EPHA6: variants seen among roughly 807,000 people sequenced by gnomAD.
EPHA6 encodes the protein ephrin type-A receptor 6.
A neutral mutation model predicts 112.0 loss-of-function variants in EPHA6; 50 were observed. The observed-to-expected ratio is 0.45, with a 90% confidence interval of 0.36 to 0.56. The LOEUF (loss-of-function observed/expected upper bound fraction) is 0.56. Among genes scored for constraint, EPHA6 ranks in the 20% least tolerant of loss-of-function variants. EPHA6 has a pLI of 0.00. For missense variants in EPHA6, 1,280 were observed against 1,417.4 expected (o/e 0.90, Z 1.56); for synonymous variants, 529 against 490.7 (o/e 1.08, Z -1.03).
intron 11 of EPHA6, among the ~76,000 whole-genome samples, chr3:97,587,390 C>T (rs1266463153): frequency 1.3e-5 from 2 of 152,028 alleles, no homozygotes; most frequent in African/African-American, 4.8e-5. Context: ...ATATGTTCTG[C>T]CTTACTTATT....
At chr3:97,492,683 A>G (rs2091879596) in intron 10 of EPHA6, among the ~76,000 whole-genome samples, 1 of 150,362 alleles carries the variant, frequency 6.7e-6, no homozygotes, top group African/African-American at 2.5e-5. Context: ...AGGACAAGAT[A>G]GATAATAAGT....
chr3:96,905,040 A>G (rs935170576), intron 2 of EPHA6, among the ~76,000 whole-genome samples: 1 of 152,108 alleles, frequency 6.6e-6, no homozygotes, highest in Non-Finnish European at 1.5e-5. Flanking sequence ...GGTATTAACT[A>G]TTTATGAGAG....
At chr3:97,507,404 T>G (rs963186827) in intron 10 of EPHA6, among the ~76,000 whole-genome samples, 12 of 152,220 alleles carry the variant, frequency 7.9e-5, no homozygotes, top group African/African-American at 2.7e-4. Flanking sequence ...AGGCCTTTTC[T>G]GCATCTATTA....
rs1345769003 is a variant in EPHA6, at chr3:96,987,888, C to T, written c.1009C>T (p.Arg337Cys). The T allele has an allele frequency of 3.1e-6, 5 of 1,613,742 alleles. No individual in the cohort carries two copies. The highest frequency in any genetic ancestry group is 1.1e-5 in the South Asian group (1 of 91,082). ...TTCTTGTGTGAAGAGTGCTGAAGAGCGTGACACTCCTAAACTGTATTGTGG... is the reference window on the plus strand; with the variant it reads ...TTCTTGTGTGAAGAGTGCTGAAGAGTGTGACACTCCTAAACTGTATTGTGG... ...RGSCVKSAEE[R>C]DTPKLYCGAD... The change falls in exon 3 of 18, where the codon CGT becomes TGT. Residue 337 changes from arginine to cysteine, a missense_variant. Coordinates refer to ENST00000389672, the MANE Select transcript of EPHA6 (RefSeq NM_001080448.3).
At chr3:97,578,516 C>T (rs1575949682) in intron 11 of EPHA6, among the ~76,000 whole-genome samples, 3 of 152,220 alleles carry the variant, frequency 2.0e-5, no homozygotes, top group African/African-American at 4.8e-5. Flanking sequence ...TGGCCCTTAA[C>T]GACAGGGGTT....
At chr3:97,183,742 G>T (rs1559781130) in intron 3 of EPHA6, among the ~76,000 whole-genome samples, 1 of 151,896 alleles carries the variant, frequency 6.6e-6, no homozygotes, top group Admixed American at 6.6e-5. Flanking sequence ...TGTTTTCCTG[G>T]CCGTAACTTC....
intron 8 of EPHA6, among the ~76,000 whole-genome samples, chr3:97,478,993 T>C (rs1560050946): frequency 6.6e-6 from 1 of 152,164 alleles, no homozygotes; most frequent in Admixed American, 6.5e-5. Context: ...ATTTTGACTT[T>C]TAATTTTCTT....
intron 2 of EPHA6, among the ~76,000 whole-genome samples, chr3:96,912,651 G>T (rs764717740): frequency 2.6e-5 from 4 of 152,104 alleles, no homozygotes; most frequent in Non-Finnish European, 4.4e-5. Context: ...AGAGTGTCAT[G>T]ATCATAGATC....
chr3:97,173,538 T>C (rs1292388187), intron 3 of EPHA6, among the ~76,000 whole-genome samples: 3 of 151,824 alleles, frequency 2.0e-5, no homozygotes, highest in Non-Finnish European at 4.4e-5. Flanking sequence ...AATTACTATG[T>C]GTCAGGAAAC....
At chr3:97,495,520 A>G (rs9880841) in intron 10 of EPHA6, among the ~76,000 whole-genome samples, 11,126 of 152,058 alleles carry the variant, frequency 0.073, 1,285 homozygotes, top group African/African-American at 0.24. Context: ...AACATTATGT[A>G]CTTTTCATAT....
intron 3 of EPHA6, among the ~76,000 whole-genome samples, chr3:97,091,141 A>G (rs1222697438): frequency 6.6e-6 from 1 of 152,118 alleles, no homozygotes; most frequent in Non-Finnish European, 1.5e-5. Context: ...CAAGAAAATT[A>G]CGTTATGTGA....
chr3:96,899,326 G>A (rs1308527771), intron 2 of EPHA6, among the ~76,000 whole-genome samples: 1 of 151,962 alleles, frequency 6.6e-6, no homozygotes, highest in Non-Finnish European at 1.5e-5. Context: ...ATTGGACTTG[G>A]GGAGTTCCCT....
chr3:96,924,309 G>A (rs754839177), intron 2 of EPHA6, among the ~76,000 whole-genome samples: 19 of 151,960 alleles, frequency 1.3e-4, no homozygotes, highest in South Asian at 4.2e-4. Context: ...TGTTTGTGTC[G>A]TCTCTGATTT....
At chr3:97,698,175 T>C (rs1184605560) in intron 14 of EPHA6, among the ~76,000 whole-genome samples, 1 of 152,142 alleles carries the variant, frequency 6.6e-6, no homozygotes, top group African/African-American at 2.4e-5. Context: ...GCTAATTTTG[T>C]ATTTTTAGTA....
At chr3:97,359,464 TA>T (rs2084255596) in intron 5 of EPHA6, among the ~76,000 whole-genome samples, 2 of 151,748 alleles carry the variant, frequency 1.3e-5, no homozygotes, top group Non-Finnish European at 2.9e-5. Flanking sequence ...TTTTTTTTTT[TA>T]ATTCTCTATA....
intron 6 of EPHA6, among the ~76,000 whole-genome samples, chr3:97,412,493 G>A (rs1175618795): frequency 1.3e-5 from 2 of 151,886 alleles, no homozygotes; most frequent in African/African-American, 2.4e-5. Flanking sequence ...AATAATCTAA[G>A]TTGTTATCCA....
At position 97,423,966 on chromosome 3, in the gene EPHA6, C is replaced by T. The variant is rs115799951; in HGVS notation, c.1731+18692C>T. On this transcript the variant is annotated intron_variant, in intron 6 of 17. Transcript: ENST00000389672. ...TTAGTCATATGCAGAAGATTGAAACCGGCCCTCTTCTCTATTAGTCTCTTC... is the reference window on the plus strand; with the variant it reads ...TTAGTCATATGCAGAAGATTGAAACTGGCCCTCTTCTCTATTAGTCTCTTC... Among the ~76,000 whole-genome samples the T allele has an allele frequency of 8.3e-3, 1,265 of 152,204 alleles. 14 individuals are homozygous for T. Among genetic ancestry groups the T allele is most frequent in the African/African-American group, 0.027 (1,121 of 41,526 alleles).
chr3:97,488,742 C>T (rs1196993590), intron 10 of EPHA6, among the ~76,000 whole-genome samples: 1 of 152,126 alleles, frequency 6.6e-6, no homozygotes, highest in East Asian at 1.9e-4. Context: ...AAATGAGATT[C>T]ATTCTTGTCC....
At chr3:97,291,091 G>T (rs143406560) in intron 5 of EPHA6, among the ~76,000 whole-genome samples, 80 of 152,096 alleles carry the variant, frequency 5.3e-4, no homozygotes, top group African/African-American at 1.9e-3. Context: ...TTTGTTTCGA[G>T]ATGCTTTTTT....
Sources: gnomAD v4.1 joint callset for allele counts (sites outside exome capture counted in the v4.1 genomes callset) on GRCh38, gnomAD v4.1.1 for gene constraint, MANE v1.5 for transcripts, NCBI Gene and HGNC (gene_info 2026-07-23, HGNC 2026-07-21) for gene names.